GSK3B: variants seen among roughly 807,000 people sequenced by gnomAD.
The protein encoded by GSK3B is glycogen synthase kinase 3 beta.
Under a neutral mutation model 56.4 loss-of-function variants are expected in GSK3B, and 15 were observed. The observed-to-expected ratio is 0.27, with a 90% CI of 0.18 to 0.41. The LOEUF is 0.41. Ranked by LOEUF, GSK3B falls within the 10% of genes least tolerant of loss-of-function variation. GSK3B has a pLI of 1.00. For synonymous variants in GSK3B, 181 were observed against 188.9 expected, an observed-to-expected ratio of 0.96 and a Z score of 0.34; for missense variants, 300 against 513.4, an observed-to-expected ratio of 0.58 and a Z score of 4.02.
intron 1 of GSK3B, among the ~76,000 whole-genome samples, chr3:120,044,829 A>G (rs116508346): frequency 2.0e-3 from 310 of 152,344 alleles, no homozygotes; most frequent in Non-Finnish European, 3.4e-3. Flanking sequence ...TTTGTATTAT[A>G]ATGAAAACTC....
At chr3:120,046,644 G>T (rs1227107287) in intron 1 of GSK3B, among the ~76,000 whole-genome samples, 1 of 152,016 alleles carries the variant, frequency 6.6e-6, no homozygotes, top group Non-Finnish European at 1.5e-5. Flanking sequence ...GTCTCACTCT[G>T]TCTGCCCAGG....
chr3:119,875,698 G>C (rs1178426571), intron 8 of GSK3B, among the ~76,000 whole-genome samples: 1 of 151,324 alleles, frequency 6.6e-6, no homozygotes, highest in East Asian at 1.9e-4. Flanking sequence ...TTTTTTTTCT[G>C]TTCATACTTA....
At chr3:120,011,426 T>A (rs2057777874) in intron 1 of GSK3B, among the ~76,000 whole-genome samples, 2 of 152,132 alleles carry the variant, frequency 1.3e-5, no homozygotes, top group Admixed American at 1.3e-4. Context: ...AGCATCATAA[T>A]TTGCAAATGG....
chr3:119,972,110 T>TTCTC (rs950603328), intron 2 of GSK3B, among the ~76,000 whole-genome samples: 2 of 152,212 alleles, frequency 1.3e-5, no homozygotes, highest in Non-Finnish European at 2.9e-5. Context: ...AAATGTTTAG[T>TTCTC]TCTCTTAGCA....
At chr3:119,860,577 T>G (rs1489781982) in intron 9 of GSK3B, among the ~76,000 whole-genome samples, 1 of 152,240 alleles carries the variant, frequency 6.6e-6, no homozygotes, top group Non-Finnish European at 1.5e-5. Flanking sequence ...TTATGGCTAA[T>G]TACCTCATGG....
At chr3:119,864,527 C>T (rs1016889513) in intron 8 of GSK3B, among the ~76,000 whole-genome samples, 2 of 152,128 alleles carry the variant, frequency 1.3e-5, no homozygotes, top group Admixed American at 6.6e-5. Context: ...ATATATCCCT[C>T]GACAGGAAGA....
intron 10 of GSK3B, among the ~76,000 whole-genome samples, chr3:119,841,271 C>T (rs577315925): frequency 6.6e-6 from 1 of 152,278 alleles, no homozygotes; most frequent in African/African-American, 2.4e-5. Context: ...TCAGGTTATA[C>T]TAGGCTCCTA....
intron 3 of GSK3B, among the ~76,000 whole-genome samples, chr3:119,942,300 T>C (rs1032999805): frequency 6.6e-6 from 1 of 152,162 alleles, no homozygotes; most frequent in Non-Finnish European, 1.5e-5. Context: ...GTTTTTATTT[T>C]TATTTTTTAT....
chr3:119,854,574 T>C (rs2055989960), intron 9 of GSK3B, among the ~76,000 whole-genome samples: 1 of 152,204 alleles, frequency 6.6e-6, no homozygotes, highest in South Asian at 2.1e-4. Context: ...TGGGAGGCTA[T>C]TAATTATTGC....
intron 7 of GSK3B, among the ~76,000 whole-genome samples, chr3:119,883,551 C>G (rs755177791): frequency 3.9e-5 from 6 of 152,096 alleles, no homozygotes; most frequent in Non-Finnish European, 8.8e-5. Context: ...GACACAAAGT[C>G]TCTGTCACTA....
At chr3:120,065,788 C>T (rs899554687) in intron 1 of GSK3B, among the ~76,000 whole-genome samples, 5 of 152,178 alleles carry the variant, frequency 3.3e-5, no homozygotes, top group African/African-American at 1.2e-4. Flanking sequence ...GAACGAAGTA[C>T]TGATACATGC....
intron 7 of GSK3B, among the ~76,000 whole-genome samples, chr3:119,903,547 G>T (rs1219474936): frequency 6.6e-6 from 1 of 152,018 alleles, no homozygotes; most frequent in Non-Finnish European, 1.5e-5. Flanking sequence ...TTAATAGCAG[G>T]TAGCATAAAA....
chr3:119,947,387 G>T, intron 2 of GSK3B, 36 bp from the exon 3 acceptor site: 1 of 1,233,500 alleles, frequency 8.1e-7, no homozygotes. Context: ...ATTTTTAAAG[G>T]ATAACAGCTA....
At chr3:120,025,226 C>T (rs1408210674) in intron 1 of GSK3B, among the ~76,000 whole-genome samples, 3 of 152,014 alleles carry the variant, frequency 2.0e-5, no homozygotes, top group Admixed American at 6.6e-5. Flanking sequence ...TGCCTGTAAC[C>T]CCAGCTACTT....
At chr3:119,912,270 T>C (rs920669987) in intron 6 of GSK3B, among the ~76,000 whole-genome samples, 5 of 152,156 alleles carry the variant, frequency 3.3e-5, no homozygotes, top group African/African-American at 1.2e-4. Context: ...AAGTTTGCTG[T>C]CTTATATTGT....
intron 2 of GSK3B, among the ~76,000 whole-genome samples, chr3:119,998,836 T>C (rs560018686): frequency 2.1e-4 from 32 of 152,148 alleles, no homozygotes; most frequent in Non-Finnish European, 3.8e-4. Flanking sequence ...AAATAATTTT[T>C]CACCTACAGA....
intron 2 of GSK3B, among the ~76,000 whole-genome samples, chr3:119,949,493 A>G (rs1490804689): frequency 6.6e-6 from 1 of 152,182 alleles, no homozygotes; most frequent in African/African-American, 2.4e-5. Flanking sequence ...AATAGCCAGA[A>G]AGATAATACG....
intron 1 of GSK3B, among the ~76,000 whole-genome samples, chr3:120,057,602 T>C (rs892250908): frequency 4.6e-5 from 7 of 152,200 alleles, no homozygotes; most frequent in Non-Finnish European, 8.8e-5. Context: ...GAAAGATAGA[T>C]ATATATTAAA....
At chr3:119,866,746 T>C (rs1319450560) in intron 8 of GSK3B, 6 of 673,858 alleles carry the variant, frequency 8.9e-6, no homozygotes, top group East Asian at 2.7e-5. Flanking sequence ...GGGGGGGACA[T>C]AGAAAATGTT....
Sources: gnomAD v4.1 joint callset for allele counts (sites outside exome capture counted in the v4.1 genomes callset) on GRCh38, gnomAD v4.1.1 for gene constraint, MANE v1.5 for transcripts, NCBI Gene and HGNC (gene_info 2026-07-23, HGNC 2026-07-21) for gene names.